FAM83B: variants seen among roughly 807,000 people sequenced by gnomAD.
FAM83B encodes the protein protein FAM83B.
A neutral mutation model predicts 38.8 loss-of-function variants in FAM83B; 26 were observed. That is an observed-to-expected ratio of 0.67 (90% CI 0.49 to 0.93). The LOEUF (loss-of-function observed/expected upper bound fraction) is 0.93, where lower values mean the gene tolerates loss of function less well. Ranked by LOEUF, FAM83B falls within the 40% of genes least tolerant of loss-of-function variation. The pLI, the probability that FAM83B is intolerant of heterozygous loss-of-function variation, is 0.00. For synonymous variants in FAM83B, 419 were observed against 423.1 expected, an observed-to-expected ratio of 0.99 and a Z score of 0.12; for missense variants, 1,237 against 1,197.3, an observed-to-expected ratio of 1.03 and a Z score of -0.49.
At chr6:54,874,745 G>T (rs1175649328) in intron 2 of FAM83B, among the ~76,000 whole-genome samples, 1 of 151,778 alleles carries the variant, frequency 6.6e-6, no homozygotes, top group Admixed American at 6.6e-5. Flanking sequence ...AGCTTTTTTT[G>T]TGAGATGTGA....
chr6:54,887,318 G>T (rs1482545644), intron 2 of FAM83B, among the ~76,000 whole-genome samples: 1 of 152,166 alleles, frequency 6.6e-6, no homozygotes, highest in African/African-American at 2.4e-5. Context: ...CACATCTGTG[G>T]AGGGCTGACT....
At position 54,941,745 on chromosome 6, in the gene FAM83B, G is replaced by A. The variant is rs181400966; in HGVS notation, c.2774G>A (p.Arg925Gln). The A allele has an allele frequency of 1.4e-5, 22 of 1,614,082 alleles. No individual in the cohort carries two copies. The Admixed American group carries it at 1.8e-4, about 13-fold the overall frequency. The change falls in exon 5 of 5, where the codon CGA becomes CAA. Residue 925 changes from arginine to glutamine, a missense_variant. Transcript: ENST00000306858. ...SPRPTSSELLRSHSTDRRVYS... is the reference protein window; with the variant it reads ...SPRPTSSELLQSHSTDRRVYS... ...AGGCCAACGTCCAGTGAGCTTCTAC[G>A]ATCTCATTCAACTGATCGGCGTGTT...
chr6:54,894,428 A>G (rs148109), intron 2 of FAM83B, among the ~76,000 whole-genome samples: 94,901 of 151,986 alleles, frequency 0.62, 31,671 homozygotes, highest in East Asian at 0.86. Flanking sequence ...GGGAAATATG[A>G]TACGCATTCT....
intron 1 of FAM83B, among the ~76,000 whole-genome samples, chr6:54,858,449 T>C (rs555331093): frequency 2.0e-5 from 3 of 152,320 alleles, no homozygotes; most frequent in South Asian, 4.1e-4. Flanking sequence ...TTCTGTTATA[T>C]CAAGTTGTAA....
At chr6:54,924,885 TA>T (rs911151021) in intron 2 of FAM83B, among the ~76,000 whole-genome samples, 2 of 152,120 alleles carry the variant, frequency 1.3e-5, no homozygotes, top group African/African-American at 4.8e-5. Flanking sequence ...CTACCTTTTT[TA>T]AAGCCTATTC....
At chr6:54,924,126 C>G (rs1489546427) in intron 2 of FAM83B, among the ~76,000 whole-genome samples, 5 of 151,686 alleles carry the variant, frequency 3.3e-5, no homozygotes, top group Admixed American at 6.6e-5. Context: ...AAATAATGCC[C>G]TCCGGGTTCA....
intron 2 of FAM83B, among the ~76,000 whole-genome samples, chr6:54,900,885 A>G (rs564612975): frequency 6.6e-6 from 1 of 152,362 alleles, no homozygotes; most frequent in African/African-American, 2.4e-5. Context: ...CACTGTATCC[A>G]CATGTGTATC....
rs1435107149 is a variant in FAM83B, at chr6:54,870,661, A to G, written c.415A>G (p.Ile139Val). The stretch of plus-strand genomic sequence containing the variant: ...ACATCTACTTACGATAAAAGAAACT[A>G]TTCGGAAGATGATAAAAGAAGCAAG... ...RAHLLTIKET[I>V]RKMIKEARKV... The change falls in exon 2 of 5, where the codon ATT becomes GTT. Residue 139 changes from isoleucine to valine, a missense_variant. By Grantham distance (29) the Ile-to-Val change is conservative. Coordinates refer to ENST00000306858, the MANE Select transcript of FAM83B (RefSeq NM_001010872.3). 1.2e-5 allele frequency: 19 copies of G among 1,595,614 alleles called. No individual in the cohort carries two copies. The highest frequency in any genetic ancestry group is 4.5e-5 in the East Asian group (2 of 44,670).
At chr6:54,925,344 A>G (rs1773264317) in intron 2 of FAM83B, among the ~76,000 whole-genome samples, 1 of 152,074 alleles carries the variant, frequency 6.6e-6, no homozygotes, top group South Asian at 2.1e-4. Context: ...CCCCCACTAG[A>G]ATGTAAGCTT....
chr6:54,906,771 A>G (rs1419561360), intron 2 of FAM83B, among the ~76,000 whole-genome samples: 1 of 152,196 alleles, frequency 6.6e-6, no homozygotes, highest in African/African-American at 2.4e-5. Context: ...CCATTCTCTC[A>G]GTTAATAGAT....
chr6:54,881,001 A>G (rs1445225453), intron 2 of FAM83B, among the ~76,000 whole-genome samples: 3 of 152,178 alleles, frequency 2.0e-5, no homozygotes. Context: ...ATGTTGTATA[A>G]TATTTTTAAA....
At chr6:54,907,381 G>A (rs970418873) in intron 2 of FAM83B, among the ~76,000 whole-genome samples, 1 of 142,828 alleles carries the variant, frequency 7.0e-6, no homozygotes. Context: ...TATTAAATGT[G>A]GCTAAAATAA....
chr6:54,873,326 T>A (rs1186936676), intron 2 of FAM83B, among the ~76,000 whole-genome samples: 1 of 152,116 alleles, frequency 6.6e-6, no homozygotes, highest in Non-Finnish European at 1.5e-5. Context: ...AATTAAGTAA[T>A]CTGGGGAAAA....
At chr6:54,880,526 C>T (rs1009797045) in intron 2 of FAM83B, among the ~76,000 whole-genome samples, 17 of 149,566 alleles carry the variant, frequency 1.1e-4, no homozygotes, top group African/African-American at 3.9e-4. Flanking sequence ...CTCACTGCCA[C>T]CTCTGCCTCT....
intron 1 of FAM83B, among the ~76,000 whole-genome samples, chr6:54,847,507 A>G (rs1025788659): frequency 3.3e-5 from 5 of 152,088 alleles, no homozygotes; most frequent in African/African-American, 9.7e-5. Flanking sequence ...TGTACCTACC[A>G]AAGTTTGAGA....
At chr6:54,894,584 A>G (rs1036465033) in intron 2 of FAM83B, among the ~76,000 whole-genome samples, 5 of 152,184 alleles carry the variant, frequency 3.3e-5, no homozygotes, top group African/African-American at 9.7e-5. Context: ...ATGCCATCTT[A>G]GGGAACCTAA....
intron 2 of FAM83B, among the ~76,000 whole-genome samples, chr6:54,887,284 A>G (rs1050915187): frequency 6.6e-6 from 1 of 152,236 alleles, no homozygotes; most frequent in African/African-American, 2.4e-5. Flanking sequence ...GATTAAAAAT[A>G]CAGTATTCTT....
intron 3 of FAM83B, among the ~76,000 whole-genome samples, chr6:54,926,765 C>A (rs1773295896): frequency 6.6e-6 from 1 of 152,114 alleles, no homozygotes; most frequent in South Asian, 2.1e-4. Flanking sequence ...CGGAGTCTTG[C>A]TCTCCCTCCC....
rs149509070 is a variant in FAM83B, at chr6:54,939,855, A to C, written c.884A>C (p.Lys295Thr). Residue 295 changes from lysine (K) to threonine (T), a missense_variant, in exon 5 of 5, where the codon AAG (lysine) becomes ACG (threonine). Coordinates refer to ENST00000306858, the MANE Select transcript of FAM83B (RefSeq NM_001010872.3). ...SFAQEESARV[K>T]HGKALWENGT... The stretch of plus-strand genomic sequence containing the variant: ...GCTCAGGAAGAATCAGCAAGGGTGA[A>C]GCATGGAAAAGCCCTCTGGGAAAAT... 367 of 1,614,054 alleles carry C rather than the reference A, an allele frequency of 2.3e-4. No individual in the cohort carries two copies. In the Middle Eastern group the frequency reaches 9.4e-3, roughly 41 times the overall value.
Sources: allele counts gnomAD v4.1 joint callset (sites outside exome capture counted in the v4.1 genomes callset), GRCh38; gene constraint gnomAD v4.1.1; transcripts MANE v1.5; gene names NCBI Gene and HGNC (gene_info 2026-07-23, HGNC 2026-07-21).